The following SH3GL2 variants were observed in gnomAD, a reference collection of about 807,000 sequenced individuals.
SH3GL2 encodes the protein endophilin-A1.
A neutral mutation model predicts 46.0 loss-of-function variants in SH3GL2; 24 were observed. The observed-to-expected ratio is 0.52, with a 90% CI of 0.38 to 0.73. SH3GL2 has a LOEUF of 0.73. SH3GL2 is among the 30% of genes least tolerant of loss of function. The pLI, the probability that SH3GL2 is intolerant of heterozygous loss-of-function variation, is 0.00. For synonymous variants in SH3GL2, 196 were observed against 147.1 expected, an observed-to-expected ratio of 1.33 and a Z score of -2.40; for missense variants, 413 against 424.2, an observed-to-expected ratio of 0.97 and a Z score of 0.23.
In SH3GL2 at chr9:17,768,077, G is replaced by T. The variant is rs763324618; in HGVS notation, c.187+6568G>T. Among the ~76,000 whole-genome samples, 8 of 152,206 alleles carry T rather than the reference G, an allele frequency of 5.3e-5. No homozygotes were observed. The East Asian group carries it at 1.4e-3, about 26-fold the overall frequency. ...TGCTAAAGCCAGATCTTGCTTAAAA[G>T]ATTCTTAATCAGGGCTGGGCACAGT... On this transcript the variant is annotated intron_variant, in intron 3 of 8. Transcript: ENST00000380607.
At chr9:17,592,884 C>G (rs1229384848) in intron 1 of SH3GL2, among the ~76,000 whole-genome samples, 2 of 152,108 alleles carry the variant, frequency 1.3e-5, no homozygotes, top group Non-Finnish European at 2.9e-5. Flanking sequence ...TTGGGACTTT[C>G]AGCTCCAGCC....
intron 1 of SH3GL2, among the ~76,000 whole-genome samples, chr9:17,588,423 C>T (rs999348253): frequency 3.3e-5 from 5 of 152,138 alleles, no homozygotes; most frequent in African/African-American, 1.2e-4. Context: ...AATCTAATCT[C>T]ATGAGCCCTT....
At chr9:17,695,632 T>G (rs1192988291) in intron 1 of SH3GL2, among the ~76,000 whole-genome samples, 1 of 152,092 alleles carries the variant, frequency 6.6e-6, no homozygotes, top group Non-Finnish European at 1.5e-5. Flanking sequence ...AAAAGCCCTT[T>G]CTGTATTGAT....
At chr9:17,746,150 C>G (rs1822675536) in intron 1 of SH3GL2, among the ~76,000 whole-genome samples, 1 of 152,192 alleles carries the variant, frequency 6.6e-6, no homozygotes. Context: ...TCTCCGCTCA[C>G]TGCAGGCTCC....
At chr9:17,783,436 G>A (rs1419598325) in intron 3 of SH3GL2, among the ~76,000 whole-genome samples, 2 of 151,426 alleles carry the variant, frequency 1.3e-5, no homozygotes, top group Non-Finnish European at 2.9e-5. Flanking sequence ...CATGGACACT[G>A]CTTTTAGGTC....
At chr9:17,593,126 G>A (rs1450925770) in intron 1 of SH3GL2, among the ~76,000 whole-genome samples, 1 of 152,192 alleles carries the variant, frequency 6.6e-6, no homozygotes, top group Non-Finnish European at 1.5e-5. Flanking sequence ...CCATCTGGCT[G>A]TTCATCTGTA....
At chr9:17,625,883 AG>A (rs1244038603) in intron 1 of SH3GL2, among the ~76,000 whole-genome samples, 1 of 152,236 alleles carries the variant, frequency 6.6e-6, no homozygotes, top group East Asian at 1.9e-4. Context: ...AACCTGTCCC[AG>A]GAGGTATGTC....
intron 1 of SH3GL2, among the ~76,000 whole-genome samples, chr9:17,728,969 A>G (rs943840979): frequency 2.0e-5 from 3 of 152,222 alleles, no homozygotes; most frequent in Non-Finnish European, 4.4e-5. Context: ...AGAATGATTT[A>G]TAATACTTTT....
At chr9:17,758,101 G>C (rs570571099) in intron 2 of SH3GL2, among the ~76,000 whole-genome samples, 2 of 152,260 alleles carry the variant, frequency 1.3e-5, no homozygotes, top group African/African-American at 4.8e-5. Context: ...GAAAGCCTCT[G>C]ATTAATGGCC....
chr9:17,646,967 G>A (rs117966625), intron 1 of SH3GL2, among the ~76,000 whole-genome samples: 2,170 of 152,220 alleles, frequency 0.014, 22 homozygotes, highest in African/African-American at 0.023. Context: ...TGCTGAAGCT[G>A]TGCCCACAGC....
At chr9:17,648,296 A>G (rs1192696890) in intron 1 of SH3GL2, among the ~76,000 whole-genome samples, 1 of 152,148 alleles carries the variant, frequency 6.6e-6, no homozygotes, top group African/African-American at 2.4e-5. Context: ...CATGATCAAG[A>G]TTAGGGGAAT....
At chr9:17,716,070 G>A (rs1010175776) in intron 1 of SH3GL2, among the ~76,000 whole-genome samples, 4 of 152,028 alleles carry the variant, frequency 2.6e-5, no homozygotes, top group African/African-American at 9.7e-5. Flanking sequence ...GTTTGTACGT[G>A]TGTATGTATA....
rs57611978 is a variant in SH3GL2, at chr9:17,645,151, C to CTTTTTTTTTTTTTTTTT, written c.45+65879_45+65895dup. The stretch of plus-strand genomic sequence containing the variant: ...TCAGAGACTAGGATTGCAAACGCTG[C>CTTTTTTTTTTTTTTTTT]TTTTTTTTTTTTTTTTTTTTTTTTT... On this transcript the variant is annotated intron_variant, in intron 1 of 8. Coordinates refer to ENST00000380607, the MANE Select transcript of SH3GL2 (RefSeq NM_003026.5). 1.2e-4 allele frequency among the ~76,000 whole-genome samples: 8 copies of CTTTTTTTTTTTTTTTTT among 68,776 alleles called. 1 individual carries two copies. Among genetic ancestry groups the CTTTTTTTTTTTTTTTTT allele is most frequent in the African/African-American group, 2.0e-4 (3 of 15,360 alleles). 45.1% of individuals were successfully genotyped at this position (68,776 alleles called of 152,430 possible). A position where few individuals can be genotyped will look rare whatever the true frequency, so the allele number is the denominator to read the frequency against.
chr9:17,686,041 C>A (rs536377510), intron 1 of SH3GL2, among the ~76,000 whole-genome samples: 2 of 140,450 alleles, frequency 1.4e-5, no homozygotes, highest in African/African-American at 5.7e-5. Flanking sequence ...GCAACCTACT[C>A]ATCTGACAAA....
chr9:17,591,738 AC>A (rs1275728871), intron 1 of SH3GL2, among the ~76,000 whole-genome samples: 5 of 152,208 alleles, frequency 3.3e-5, no homozygotes, highest in Admixed American at 3.3e-4. Flanking sequence ...AGATGGAGTT[AC>A]TGATATAAAG....
rs767972151 is a variant in SH3GL2 at position 17,579,229 on chromosome 9, C to T, written c.-14C>T. On this transcript the variant is annotated 5_prime_UTR_variant, in exon 1 of 9. Transcript: ENST00000380607. ...CCCTCCCGCACAGCAGCCGCCAGCG[C>T]GGCCTCCTGCACCATGTCGGTGGCC... The T allele has an allele frequency of 3.2e-6, 5 of 1,545,754 alleles. 1 individual carries two copies. Among genetic ancestry groups the T allele is most frequent in the Admixed American group, 1.9e-5 (1 of 52,726 alleles).
At chr9:17,774,260 T>G (rs777218658) in intron 3 of SH3GL2, among the ~76,000 whole-genome samples, 1 of 152,142 alleles carries the variant, frequency 6.6e-6, no homozygotes, top group Non-Finnish European at 1.5e-5. Context: ...ATTTTACTTG[T>G]TTACATCCAA....
At chr9:17,628,303 T>G (rs185247781) in intron 1 of SH3GL2, among the ~76,000 whole-genome samples, 273 of 152,298 alleles carry the variant, frequency 1.8e-3, no homozygotes, top group Non-Finnish European at 3.2e-3. Flanking sequence ...AAATACAATC[T>G]TTTGATTGGC....
chr9:17,760,972 G>A (rs542853637), intron 2 of SH3GL2, among the ~76,000 whole-genome samples: 1 of 152,280 alleles, frequency 6.6e-6, no homozygotes, highest in East Asian at 1.9e-4. Context: ...CAGACTAGAA[G>A]TCTTTGCTCA....
Sources: allele counts gnomAD v4.1 joint callset (sites outside exome capture counted in the v4.1 genomes callset), GRCh38; gene constraint gnomAD v4.1.1; transcripts MANE v1.5; gene names NCBI Gene and HGNC (gene_info 2026-07-23, HGNC 2026-07-21).